Variants in GLCE observed in about 807,000 individuals in gnomAD.
GLCE encodes the protein glucuronic acid epimerase.
A neutral mutation model predicts 47.9 loss-of-function variants in GLCE; 19 were observed. That is an observed-to-expected ratio of 0.40 (90% CI 0.28 to 0.58). The LOEUF is 0.58. Ranked by LOEUF, GLCE falls within the 20% of genes least tolerant of loss-of-function variation. The probability of loss-of-function intolerance (pLI) is 0.48; values close to 1 mark genes in which losing one functional copy is unlikely to be tolerated. For missense variants in GLCE, 556 were observed against 743.3 expected, an observed-to-expected ratio of 0.75 and a Z score of 2.93; for synonymous variants, 245 against 263.4, an observed-to-expected ratio of 0.93 and a Z score of 0.68.
At chr15:69,223,154 G>A (rs1477605228) in intron 2 of GLCE, among the ~76,000 whole-genome samples, 1 of 152,154 alleles carries the variant, frequency 6.6e-6, no homozygotes, top group Non-Finnish European at 1.5e-5. Context: ...GATTGCCCAT[G>A]TAGTTACTTT....
At chr15:69,238,991 A>G (rs2052629667) in intron 2 of GLCE, among the ~76,000 whole-genome samples, 1 of 152,158 alleles carries the variant, frequency 6.6e-6, no homozygotes, top group Non-Finnish European at 1.5e-5. Context: ...ATGGGGAGAG[A>G]GTGATTAATT....
chr15:69,201,601 A>G (rs2052077220), intron 1 of GLCE, among the ~76,000 whole-genome samples: 1 of 148,542 alleles, frequency 6.7e-6, no homozygotes, highest in African/African-American at 2.5e-5. Context: ...TCCTCATCCC[A>G]TCACTACAGC....
chr15:69,227,897 T>A (rs1415273655), intron 2 of GLCE, among the ~76,000 whole-genome samples: 1 of 152,236 alleles, frequency 6.6e-6, no homozygotes, highest in Non-Finnish European at 1.5e-5. Context: ...TGTAAGAATA[T>A]GACTGCTAGT....
intron 1 of GLCE, among the ~76,000 whole-genome samples, chr15:69,207,699 A>G (rs1006208550): frequency 2.0e-5 from 3 of 152,110 alleles, no homozygotes; most frequent in Admixed American, 6.6e-5. Context: ...ATAAAGCTTC[A>G]TTAAATATTG....
At chr15:69,209,620 G>A (rs906112080) in intron 1 of GLCE, among the ~76,000 whole-genome samples, 12 of 152,082 alleles carry the variant, frequency 7.9e-5, no homozygotes, top group Non-Finnish European at 1.3e-4. Context: ...TGTGCCACTC[G>A]AGGGTGAGTC....
intron 4 of GLCE, among the ~76,000 whole-genome samples, chr15:69,267,272 A>G (rs753139187): frequency 6.2e-4 from 95 of 152,234 alleles, no homozygotes; most frequent in Non-Finnish European, 1.3e-3. Context: ...ATTTATTACT[A>G]TATTCCACTC....
chr15:69,188,440 G>C (rs969938112), intron 1 of GLCE, among the ~76,000 whole-genome samples: 4 of 152,118 alleles, frequency 2.6e-5, no homozygotes, highest in Non-Finnish European at 5.9e-5. Flanking sequence ...CTTGAGAAGT[G>C]TTCTCTCTTC....
intron 2 of GLCE, among the ~76,000 whole-genome samples, chr15:69,225,035 G>C (rs547502382): frequency 6.6e-6 from 1 of 152,240 alleles, no homozygotes; most frequent in South Asian, 2.1e-4. Context: ...TTTGTGTTTA[G>C]AATGGCAGCC....
chr15:69,217,405 T>C (rs989532898), intron 2 of GLCE, among the ~76,000 whole-genome samples: 1 of 151,068 alleles, frequency 6.6e-6, no homozygotes, highest in Non-Finnish European at 1.5e-5. Context: ...TATATACATA[T>C]ATTATAAATA....
intron 4 of GLCE, among the ~76,000 whole-genome samples, chr15:69,267,387 T>C (rs997246993): frequency 6.6e-6 from 1 of 152,204 alleles, no homozygotes; most frequent in African/African-American, 2.4e-5. Context: ...GCCAGACTTC[T>C]CAAAGCTAGT....
At chr15:69,172,290 C>T (rs1041914085) in intron 1 of GLCE, among the ~76,000 whole-genome samples, 9 of 152,142 alleles carry the variant, frequency 5.9e-5, no homozygotes, top group South Asian at 2.1e-4. Flanking sequence ...AACAGATTAT[C>T]GAACACACGT....
At chr15:69,266,093 C>T (rs576648258) in intron 4 of GLCE, among the ~76,000 whole-genome samples, 2 of 152,270 alleles carry the variant, frequency 1.3e-5, no homozygotes, top group Admixed American at 6.5e-5. Flanking sequence ...AAGTTTACTT[C>T]TGCAATCAGT....
chr15:69,255,750 G>T (rs140244977), intron 2 of GLCE, 44 bp from the exon 3 acceptor site: 6 of 1,076,420 alleles, frequency 5.6e-6, no homozygotes, highest in African/African-American at 3.2e-5. Flanking sequence ...ATGAAATGCC[G>T]GTAGTACATC....
chr15:69,269,251 CA>C lies in GLCE; in HGVS notation c.*9del. 6.2e-7 allele frequency: 1 copy of C among 1,609,954 alleles called. No homozygotes were observed. Among genetic ancestry groups the C allele is most frequent in the South Asian group, 1.1e-5 (1 of 90,808 alleles). ...CAGGGCAAAGCACAACTAGAGCTCA[CA>C]ACCAAAACTGCACTTCAGCCTCTGC... On this transcript the variant is annotated 3_prime_UTR_variant, in exon 5 of 5. Coordinates refer to ENST00000261858, the MANE Select transcript of GLCE (RefSeq NM_015554.3).
intron 2 of GLCE, among the ~76,000 whole-genome samples, chr15:69,243,057 CAAAAAAAAAA>C (rs547412078): frequency 1.2e-4 from 5 of 42,362 alleles, no homozygotes; most frequent in Non-Finnish European, 5.3e-5. Flanking sequence ...AGATCCTGTC[CAAAAAAAAAA>C]AAAAAAAAAG....
chr15:69,230,516 T>G lies in GLCE; in HGVS notation c.-14+20110T>G, dbSNP rs1002315569. Among the ~76,000 whole-genome samples the G allele has an allele frequency of 9.8e-5, 15 of 152,332 alleles. 1 individual carries two copies. In the South Asian group the frequency reaches 1.9e-3, roughly 19 times the overall value. ...GCAACATTATTTCTCAATAATTGAT[T>G]CAGTTGAACTGTAGTCTACCACAAG... On this transcript the variant is annotated intron_variant, in intron 2 of 4. Transcript: ENST00000261858.
In GLCE at chr15:69,261,218, G is replaced by C; in HGVS notation, c.718G>C (p.Glu240Gln). The C allele has an allele frequency of 6.2e-7, 1 of 1,614,118 alleles. No individual in the cohort carries two copies. Among genetic ancestry groups the C allele is most frequent in the Non-Finnish European group, 8.5e-7 (1 of 1,180,016 alleles). Residue 240 changes from glutamate (E) to glutamine (Q), a missense_variant, in exon 4 of 5, where the codon GAA (glutamate) becomes CAA (glutamine). By Grantham distance (29) the Glu-to-Gln change is conservative (BLOSUM62 2). Transcript: ENST00000261858. Reference sequence around the variant, plus strand: ...TCACATAGAGGTATATGAAACAGCAGAAGACAGAGACAAAAACAAGCCTAA... The same window carrying C: ...TCACATAGAGGTATATGAAACAGCACAAGACAGAGACAAAAACAAGCCTAA... ...PPHIEVYETA[E>Q]DRDKNKPNDW...
chr15:69,175,899 A>T (rs1317664064), intron 1 of GLCE, among the ~76,000 whole-genome samples: 1 of 152,204 alleles, frequency 6.6e-6, no homozygotes, highest in African/African-American at 2.4e-5. Context: ...ACACTCAGGA[A>T]ATGTGTGAAT....
chr15:69,198,954 G>A (rs200569992), intron 1 of GLCE, among the ~76,000 whole-genome samples: 3 of 152,206 alleles, frequency 2.0e-5, no homozygotes, highest in East Asian at 1.9e-4. Context: ...CTGCAGGGAC[G>A]TATTAGAAGT....
Sources: gnomAD v4.1 joint callset for allele counts (sites outside exome capture counted in the v4.1 genomes callset) on GRCh38, gnomAD v4.1.1 for gene constraint, MANE v1.5 for transcripts, NCBI Gene and HGNC (gene_info 2026-07-23, HGNC 2026-07-21) for gene names.